RIMS1: variants seen among roughly 807,000 people sequenced by gnomAD.
The protein encoded by RIMS1 is regulating synaptic membrane exocytosis protein 1.
A neutral mutation model predicts 214.1 loss-of-function variants in RIMS1; 83 were observed. That is an observed-to-expected ratio of 0.39 (90% confidence interval 0.32 to 0.47). RIMS1 has a LOEUF of 0.47. Ranked by LOEUF, RIMS1 falls within the 20% of genes least tolerant of loss-of-function variation. The pLI is 0.99. For synonymous variants in RIMS1, 793 were observed against 786.8 expected (o/e 1.01, Z -0.13); for missense variants, 2,050 against 2,161.8 (o/e 0.95, Z 1.03).
intron 26 of RIMS1, among the ~76,000 whole-genome samples, chr6:72,298,258 A>C (rs2094293939): frequency 6.6e-6 from 1 of 152,034 alleles, no homozygotes; most frequent in African/African-American, 2.4e-5. Context: ...TATATTGAGC[A>C]CTTACTATAT....
rs750685709 is a variant in RIMS1, at chr6:72,182,831, C to T, written c.1360C>T (p.His454Tyr). The T allele has an allele frequency of 9.0e-6, 14 of 1,551,504 alleles. No individual in the cohort carries two copies. The highest frequency in any genetic ancestry group is 1.1e-5 in the Non-Finnish European group (13 of 1,150,604). ...LTNHSPPAPR[H>Y]GPVPAEAPEL... ...GAACCACAGCCCGCCGGCGCCCAGA[C>T]ATGGGCCGGTTCCCGCAGAAGCCCC... The change falls in exon 6 of 34, where the codon CAT becomes TAT. Residue 454 changes from histidine to tyrosine, a missense_variant. His to Tyr is a moderately conservative substitution (Grantham distance 83). This residue lies in a region of RIMS1 where 882 missense variants were observed against 828.9 expected (regional missense o/e 1.06). Coordinates refer to ENST00000521978, the MANE Select transcript of RIMS1 (RefSeq NM_014989.7).
chr6:72,377,719 A>G (rs1262186463), intron 29 of RIMS1, among the ~76,000 whole-genome samples: 1 of 152,156 alleles, frequency 6.6e-6, no homozygotes, highest in Non-Finnish European at 1.5e-5. Flanking sequence ...ATACAGACAT[A>G]TATTCATCTT....
At chr6:72,226,561 A>C (rs1314031022) in intron 6 of RIMS1, among the ~76,000 whole-genome samples, 1 of 152,076 alleles carries the variant, frequency 6.6e-6, no homozygotes, top group Non-Finnish European at 1.5e-5. Context: ...AACTAAAAAA[A>C]TGAATTACCG....
At chr6:72,133,041 C>T (rs1169362869) in intron 4 of RIMS1, among the ~76,000 whole-genome samples, 1 of 152,144 alleles carries the variant, frequency 6.6e-6, no homozygotes, top group African/African-American at 2.4e-5. Context: ...CCAGGCCATG[C>T]TTGACCTGCT....
chr6:72,300,328 A>T (rs2094490245), intron 26 of RIMS1, among the ~76,000 whole-genome samples: 1 of 151,824 alleles, frequency 6.6e-6, no homozygotes. Context: ...CAAATGTCTA[A>T]CCATGGACAG....
intron 2 of RIMS1, among the ~76,000 whole-genome samples, chr6:72,066,204 T>A (rs1829260402): frequency 6.6e-6 from 1 of 152,226 alleles, no homozygotes; most frequent in South Asian, 2.1e-4. Context: ...ATTTCAATAT[T>A]CCCTTCAAAT....
At chr6:72,204,358 C>T (rs2052551315) in intron 6 of RIMS1, among the ~76,000 whole-genome samples, 1 of 152,194 alleles carries the variant, frequency 6.6e-6, no homozygotes, top group African/African-American at 2.4e-5. Context: ...TCATTATATA[C>T]AGAATGAAAT....
chr6:72,145,610 C>T (rs1330571888), intron 4 of RIMS1, among the ~76,000 whole-genome samples: 3 of 150,560 alleles, frequency 2.0e-5, no homozygotes, highest in Middle Eastern at 6.8e-3. Context: ...GACTCCATCT[C>T]AAAAAAAAAT....
intron 2 of RIMS1, among the ~76,000 whole-genome samples, chr6:72,027,919 C>T (rs1817004787): frequency 6.6e-6 from 1 of 152,018 alleles, no homozygotes; most frequent in Admixed American, 6.6e-5. Context: ...TCTGTTGAGG[C>T]ATTAAGTATA....
At chr6:72,063,321 A>G (rs893703327) in intron 2 of RIMS1, among the ~76,000 whole-genome samples, 3 of 152,150 alleles carry the variant, frequency 2.0e-5, no homozygotes, top group Admixed American at 2.0e-4. Flanking sequence ...AATGCAAGTG[A>G]TGGGAGCTGG....
intron 2 of RIMS1, among the ~76,000 whole-genome samples, chr6:72,038,118 A>AATATAT (rs70994111): frequency 0.012 from 167 of 13,370 alleles, 4 homozygotes; most frequent in South Asian, 0.02. Context: ...AAAAAAAAAA[A>AATATAT]ATATATATAT....
chr6:72,284,976 G>A (rs1020238936), intron 24 of RIMS1, among the ~76,000 whole-genome samples: 1 of 152,128 alleles, frequency 6.6e-6, no homozygotes, highest in Admixed American at 6.6e-5. Flanking sequence ...ATTCTGAGAG[G>A]GGACAACGTG....
intron 2 of RIMS1, among the ~76,000 whole-genome samples, chr6:72,029,185 A>G (rs1218935970): frequency 6.6e-6 from 1 of 152,192 alleles, no homozygotes; most frequent in Non-Finnish European, 1.5e-5. Context: ...TTTACGTACC[A>G]AAGTCTCAAT....
chr6:71,910,069 G>C (rs1474845434), intron 1 of RIMS1, among the ~76,000 whole-genome samples: 3 of 152,004 alleles, frequency 2.0e-5, no homozygotes, highest in African/African-American at 7.2e-5. Context: ...AGTTAACTCA[G>C]GTGTGGCAAA....
chr6:72,387,219 A>G (rs1056412025), intron 29 of RIMS1, among the ~76,000 whole-genome samples: 1 of 139,956 alleles, frequency 7.1e-6, no homozygotes, highest in African/African-American at 2.7e-5. Flanking sequence ...TCTAACCTGA[A>G]CCCGCCATAT....
intron 2 of RIMS1, among the ~76,000 whole-genome samples, chr6:72,043,943 T>C (rs1329383801): frequency 6.6e-6 from 1 of 151,668 alleles, no homozygotes; most frequent in Non-Finnish European, 1.5e-5. Context: ...GTACATATAG[T>C]CCAGATATGT....
intron 29 of RIMS1, among the ~76,000 whole-genome samples, chr6:72,347,723 C>T: frequency 6.6e-6 from 1 of 151,888 alleles, no homozygotes; most frequent in East Asian, 1.9e-4. Flanking sequence ...TTGTACCTCT[C>T]TACAGGTGCT....
chr6:72,098,676 T>C (rs1043765377), intron 3 of RIMS1, among the ~76,000 whole-genome samples: 1 of 152,230 alleles, frequency 6.6e-6, no homozygotes, highest in Admixed American at 6.5e-5. Flanking sequence ...ACAGTTTCTT[T>C]ACCTATGAAG....
At chr6:72,198,936 A>C (rs2051454416) in intron 6 of RIMS1, among the ~76,000 whole-genome samples, 1 of 152,054 alleles carries the variant, frequency 6.6e-6, no homozygotes, top group African/African-American at 2.4e-5. Context: ...GGATATATGC[A>C]CCCAAGAAAA....
Sources: allele counts gnomAD v4.1 joint callset (sites outside exome capture counted in the v4.1 genomes callset), GRCh38; gene constraint gnomAD v4.1.1; regional missense constraint gnomAD v4.1.1; transcripts MANE v1.5; gene names NCBI Gene and HGNC (gene_info 2026-07-23, HGNC 2026-07-21).